Variants in HERC4 observed in about 807,000 individuals in gnomAD.
HERC4 encodes the protein probable E3 ubiquitin-protein ligase HERC4.
Under a neutral mutation model 124.3 loss-of-function variants are expected in HERC4, and 28 were observed. The observed-to-expected ratio is 0.23, with a 90% CI of 0.17 to 0.31. The LOEUF (loss-of-function observed/expected upper bound fraction) is 0.31, where lower values mean the gene tolerates loss of function less well. HERC4 is among the 10% of genes least tolerant of loss of function. The pLI, the probability that HERC4 is intolerant of heterozygous loss-of-function variation, is 1.00. For synonymous variants in HERC4, 407 were observed against 421.5 expected, an observed-to-expected ratio of 0.97 and a Z score of 0.42; for missense variants, 713 against 1,229.3, an observed-to-expected ratio of 0.58 and a Z score of 6.28.
chr10:67,960,895 TTTTC>T lies in HERC4; in HGVS notation c.1927-3923_1927-3920del, dbSNP rs1201671264. On this transcript the variant is annotated intron_variant, in intron 16 of 24. Transcript: ENST00000373700. ...GAGAGGATAAATAGACTGGCAAGCC[TTTTC>T]TTTATCTTTTCCAATGTTTATTGAC... is the stretch of plus-strand genomic sequence containing the variant. The T allele has an allele frequency of 5.3e-5, 16 of 301,230 alleles. 1 individual carries two copies. Among genetic ancestry groups the T allele is most frequent in the South Asian group, 2.3e-4 (7 of 30,824 alleles). The allele number at this position is 301,230 out of a possible 1,614,324, so 18.7% of individuals were successfully genotyped here. A position where few individuals can be genotyped will look rare whatever the true frequency, so the allele number is the denominator to read the frequency against.
In HERC4 at chr10:67,954,949, A is replaced by C. The variant is rs533622471; in HGVS notation, c.2193+14T>G. On this transcript the variant is annotated intron_variant, in intron 18 of 24. Coordinates refer to ENST00000373700, the MANE Select transcript of HERC4 (RefSeq NM_015601.4). ...ATAAAAGTCCCAATTATACCACAGA[A>C]AATGTCAAATTACCTTGAGTGGCTT... The C allele has an allele frequency of 2.6e-5, 41 of 1,582,334 alleles. No individual in the cohort carries two copies. In the East Asian group the frequency reaches 8.5e-4, roughly 33 times the overall value.
chr10:68,040,523 C>G, intron 4 of HERC4: 1 of 631,826 alleles, frequency 1.6e-6, no homozygotes, highest in Non-Finnish European at 2.0e-6. Flanking sequence ...CAAAAGTAAT[C>G]CCCTTTGTCA....
At chr10:67,925,807 T>C (rs2030854726) in intron 23 of HERC4, among the ~76,000 whole-genome samples, 1 of 152,146 alleles carries the variant, frequency 6.6e-6, no homozygotes, top group African/African-American at 2.4e-5. Context: ...CAAACATCCC[T>C]ATATGGAGAG....
chr10:67,955,310 C>A (rs539983079), intron 17 of HERC4, 180 bp from the exon 18 acceptor site: 6 of 532,916 alleles, frequency 1.1e-5, no homozygotes, highest in Non-Finnish European at 1.9e-5. Context: ...ATAAAGAGTA[C>A]CCTTTTGAAT....
intron 16 of HERC4, among the ~76,000 whole-genome samples, chr10:67,958,330 C>T (rs2034277214): frequency 6.6e-6 from 1 of 152,188 alleles, no homozygotes; most frequent in Non-Finnish European, 1.5e-5. Context: ...ACTAATTTTA[C>T]TTCTCTGAAA....
At chr10:67,980,854 A>G (rs2035888249) in intron 15 of HERC4, among the ~76,000 whole-genome samples, 1 of 152,208 alleles carries the variant, frequency 6.6e-6, no homozygotes, top group Non-Finnish European at 1.5e-5. Flanking sequence ...GGGTTATAAG[A>G]TAGTATCTGC....
At chr10:67,941,518 CCAAT>C (rs2032889383) in intron 19 of HERC4, among the ~76,000 whole-genome samples, 1 of 151,946 alleles carries the variant, frequency 6.6e-6, no homozygotes, top group African/African-American at 2.4e-5. Flanking sequence ...CACCTGTAAA[CCAAT>C]CACTCAGGAA....
intron 15 of HERC4, among the ~76,000 whole-genome samples, chr10:67,975,569 C>A (rs1235536345): frequency 6.6e-6 from 1 of 152,108 alleles, no homozygotes; most frequent in African/African-American, 2.4e-5. Flanking sequence ...AGGCTGGTCT[C>A]AAATTCCTGA....
intron 16 of HERC4, 144 bp downstream of exon 16, chr10:67,966,539 C>T (rs1397227698): frequency 1.0e-5 from 7 of 690,260 alleles, no homozygotes; most frequent in Non-Finnish European, 1.6e-5. Context: ...TATAGCACTC[C>T]TTTGCAATGT....
chr10:67,992,124 T>C, intron 11 of HERC4, 75 bp downstream of exon 11: 3 of 1,439,556 alleles, frequency 2.1e-6, no homozygotes, highest in South Asian at 2.4e-5. Context: ...CTCCAATTCC[T>C]GGGCTCAGGC....
intron 22 of HERC4, among the ~76,000 whole-genome samples, chr10:67,934,846 G>A (rs2032185873): frequency 6.7e-6 from 1 of 148,946 alleles, no homozygotes; most frequent in African/African-American, 2.5e-5. Flanking sequence ...TCTTGGTATT[G>A]ATCTTTTTTC....
chr10:67,961,818 C>G (rs1258585686), intron 16 of HERC4, among the ~76,000 whole-genome samples: 1 of 152,032 alleles, frequency 6.6e-6, no homozygotes. Context: ...AAACATCACT[C>G]TATGCAAACC....
intron 23 of HERC4, among the ~76,000 whole-genome samples, chr10:67,927,336 A>G (rs1393677686): frequency 1.3e-5 from 2 of 148,210 alleles, no homozygotes; most frequent in Admixed American, 6.8e-5. Flanking sequence ...GTAATGAATC[A>G]GATATACAAC....
At chr10:67,968,377 CTT>C (rs879488845) in intron 15 of HERC4, among the ~76,000 whole-genome samples, 13 of 144,276 alleles carry the variant, frequency 9.0e-5, no homozygotes, top group South Asian at 4.4e-4. Flanking sequence ...GAGGCTACTC[CTT>C]TTTTTTTTTT....
intron 9 of HERC4, chr10:67,995,176 A>G: frequency 4.6e-6 from 2 of 439,352 alleles, no homozygotes; most frequent in South Asian, 3.3e-5. Flanking sequence ...TGGTTATTTC[A>G]GTAAAACTAC....
chr10:68,038,788 T>C (rs564559727), intron 4 of HERC4, among the ~76,000 whole-genome samples: 64 of 152,308 alleles, frequency 4.2e-4, no homozygotes, highest in African/African-American at 1.5e-3. Flanking sequence ...TAAGTCTTAT[T>C]TTCTTCTGTC....
intron 24 of HERC4, 38 bp from the exon 25 acceptor site, chr10:67,923,177 A>G: frequency 6.8e-7 from 1 of 1,471,800 alleles, no homozygotes; most frequent in Non-Finnish European, 9.5e-7. Flanking sequence ...CCACTTCAAA[A>G]CAAAAAGATA....
At chr10:67,948,318 T>C (rs2033540669) in intron 19 of HERC4, among the ~76,000 whole-genome samples, 1 of 151,578 alleles carries the variant, frequency 6.6e-6, no homozygotes, top group African/African-American at 2.4e-5. Context: ...CTCAGATAAT[T>C]ATTCAGCAAG....
At chr10:67,966,885 C>T in intron 15 of HERC4, 83 bp from the exon 16 acceptor site, 1 of 1,080,146 alleles carries the variant, frequency 9.3e-7, no homozygotes, top group African/African-American at 1.7e-5. Context: ...GACGGAGTCT[C>T]ACTCTGTCAA....
Sources: gnomAD v4.1 joint callset for allele counts (sites outside exome capture counted in the v4.1 genomes callset) on GRCh38, gnomAD v4.1.1 for gene constraint, MANE v1.5 for transcripts, NCBI Gene and HGNC (gene_info 2026-07-23, HGNC 2026-07-21) for gene names.